The following STK10 variants were observed in gnomAD, a reference collection of about 807,000 sequenced individuals.
The protein encoded by STK10 is serine/threonine kinase 10.
STK10 carries 78 observed loss-of-function variants against 113.8 expected under a neutral mutation model. The ratio of observed to expected loss-of-function variants is 0.69; its 90% CI spans 0.57 to 0.83. The LOEUF (loss-of-function observed/expected upper bound fraction) is 0.83. STK10 is among the 40% of genes least tolerant of loss of function. STK10 has a pLI of 0.00. For synonymous variants in STK10, 465 were observed against 494.7 expected, an observed-to-expected ratio of 0.94 and a Z score of 0.80; for missense variants, 1,109 against 1,280.1, an observed-to-expected ratio of 0.87 and a Z score of 2.04.
At chr5:172,165,979 G>A (rs1029212402) in intron 1 of STK10, among the ~76,000 whole-genome samples, 3 of 152,132 alleles carry the variant, frequency 2.0e-5, no homozygotes, top group South Asian at 2.1e-4. Flanking sequence ...TTTTAGTGGC[G>A]ACGGGGTTTC....
chr5:172,157,383 C>T (rs971709025), intron 1 of STK10, among the ~76,000 whole-genome samples: 10 of 151,936 alleles, frequency 6.6e-5, no homozygotes, highest in Admixed American at 5.9e-4. Flanking sequence ...ATAGTGAAAC[C>T]CCATCTCTAC....
intron 4 of STK10, among the ~76,000 whole-genome samples, chr5:172,108,728 T>A (rs1244762124): frequency 2.0e-5 from 3 of 151,614 alleles, no homozygotes; most frequent in Non-Finnish European, 2.9e-5. Flanking sequence ...GAGGCTGCAG[T>A]GAGCCAGGAT....
At chr5:172,183,917 AG>A (rs1770907543) in intron 1 of STK10, among the ~76,000 whole-genome samples, 1 of 152,154 alleles carries the variant, frequency 6.6e-6, no homozygotes, top group South Asian at 2.1e-4. Context: ...AAGGCTTATC[AG>A]GGAGAGGAGG....
intron 4 of STK10, among the ~76,000 whole-genome samples, chr5:172,115,706 A>G (rs554783134): frequency 1.2e-4 from 18 of 152,330 alleles, no homozygotes; most frequent in African/African-American, 4.3e-4. Flanking sequence ...CTTATCGGCA[A>G]TGTGACCTTG....
At chr5:172,185,937 A>G (rs977536772) in intron 1 of STK10, among the ~76,000 whole-genome samples, 3 of 152,298 alleles carry the variant, frequency 2.0e-5, no homozygotes, top group Admixed American at 6.5e-5. Context: ...TCCCTACCCC[A>G]TAACAGGAAG....
intron 14 of STK10, among the ~76,000 whole-genome samples, chr5:172,059,050 C>T (rs1182790773): frequency 8.0e-5 from 12 of 149,982 alleles, no homozygotes; most frequent in African/African-American, 1.2e-4. Context: ...GGTGAGACCC[C>T]GTCTCTACTA....
intron 18 of STK10, among the ~76,000 whole-genome samples, chr5:172,049,108 T>C (rs1022736999): frequency 6.6e-6 from 1 of 152,162 alleles, no homozygotes; most frequent in South Asian, 2.1e-4. Context: ...TTTCCCTCCC[T>C]GCTTCTTGGC....
At chr5:172,071,076 G>A (rs1768167750) in intron 12 of STK10, among the ~76,000 whole-genome samples, 1 of 151,406 alleles carries the variant, frequency 6.6e-6, no homozygotes, top group Non-Finnish European at 1.5e-5. Flanking sequence ...CGGGTGTGGT[G>A]GCACGCACCT....
chr5:172,053,541 T>C (rs1333650836), intron 17 of STK10, among the ~76,000 whole-genome samples: 2 of 152,238 alleles, frequency 1.3e-5, no homozygotes, highest in East Asian at 3.8e-4. Context: ...GGTGAGACTC[T>C]TCTAACCTCG....
intron 3 of STK10, 97 bp downstream of exon 3, chr5:172,127,276 G>C: frequency 7.5e-7 from 1 of 1,332,678 alleles, no homozygotes; most frequent in Non-Finnish European, 1.1e-6. Context: ...TGGGAGAGTG[G>C]AGGTCCCAGT....
chr5:172,124,116 C>G (rs143040383), intron 3 of STK10, among the ~76,000 whole-genome samples: 49 of 151,906 alleles, frequency 3.2e-4, no homozygotes, highest in Non-Finnish European at 5.9e-4. Flanking sequence ...TTTGTAGAGA[C>G]GGGGTTTTGC....
At chr5:172,136,736 TGGA>T (rs1475304601) in intron 2 of STK10, among the ~76,000 whole-genome samples, 1 of 152,076 alleles carries the variant, frequency 6.6e-6, no homozygotes, top group African/African-American at 2.4e-5. Context: ...ACAAAAATCA[TGGA>T]GGAGATGTGC....
intron 12 of STK10, among the ~76,000 whole-genome samples, chr5:172,068,210 A>G (rs1235823471): frequency 6.6e-6 from 1 of 152,060 alleles, no homozygotes; most frequent in Non-Finnish European, 1.5e-5. Context: ...GTATGGTGAC[A>G]GGCGCCTGTA....
intron 1 of STK10, among the ~76,000 whole-genome samples, chr5:172,174,041 A>G (rs913227188): frequency 6.6e-5 from 10 of 152,098 alleles, no homozygotes; most frequent in African/African-American, 2.4e-4. Context: ...TCATAACCAC[A>G]ATGCGGCCTC....
chr5:172,126,824 G>A (rs1278351651), intron 3 of STK10, among the ~76,000 whole-genome samples: 4 of 152,096 alleles, frequency 2.6e-5, no homozygotes, highest in African/African-American at 9.7e-5. Context: ...CGGGTATCTC[G>A]GTTTTACCTC....
intron 18 of STK10, among the ~76,000 whole-genome samples, chr5:172,048,418 C>CACAG (rs112634841): frequency 3.6e-5 from 5 of 140,400 alleles, no homozygotes; most frequent in African/African-American, 1.5e-4. Context: ...TCTCCCTACA[C>CACAG]ACACACACAC....
rs751560730 is a variant in STK10 at position 172,093,441 on chromosome 5, T to G, written c.1525A>C (p.Asn509His). Residue 509 changes from asparagine to histidine, a missense_variant, in exon 9 of 19, where the codon AAC becomes CAC. By Grantham distance (68) the Asn-to-His change is moderately conservative. This residue lies in a region of STK10 where 885 missense variants were observed against 991.1 expected (regional missense o/e 0.89). Transcript: ENST00000176763. This position sits in a 1 kb window ranked among gnomAD's most constrained non-coding sequence, Gnocchi z 4.1. ...GTNLSTDLSL[N>H]KEMGSLSIKD... ...ATGGACAGAGAGCCCATCTCTTTGTTCAGCGACAGGTCAGTGGAGAGATTG... is the reference window on the plus strand; with the variant it reads ...ATGGACAGAGAGCCCATCTCTTTGTGCAGCGACAGGTCAGTGGAGAGATTG... The G allele has an allele frequency of 5.6e-6, 9 of 1,608,086 alleles. No individual in the cohort carries two copies. The highest frequency in any genetic ancestry group is 1.7e-4 in the Middle Eastern group (1 of 6,042).
chr5:172,132,105 C>T (rs1455251801), intron 2 of STK10, among the ~76,000 whole-genome samples: 1 of 152,164 alleles, frequency 6.6e-6, no homozygotes, highest in Non-Finnish European at 1.5e-5. Flanking sequence ...TACCCAGTGT[C>T]AGGTATTCTG....
chr5:172,165,467 G>C (rs1484702737), intron 1 of STK10, among the ~76,000 whole-genome samples: 1 of 152,216 alleles, frequency 6.6e-6, no homozygotes, highest in Non-Finnish European at 1.5e-5. Flanking sequence ...TCAGGTCTGG[G>C]AGCCACTGGA....
Sources: gnomAD v4.1 joint callset for allele counts (sites outside exome capture counted in the v4.1 genomes callset) on GRCh38, gnomAD v4.1.1 for gene constraint, gnomAD v4.1.1 regional missense constraint, Gnocchi (gnomAD v3.1) non-coding constraint, MANE v1.5 for transcripts, NCBI Gene and HGNC (gene_info 2026-07-23, HGNC 2026-07-21) for gene names.